C1QTNF6: variants seen among roughly 807,000 people sequenced by gnomAD.
C1QTNF6 encodes the protein complement C1q tumor necrosis factor-related protein 6.
In C1QTNF6, 17 loss-of-function variants were observed where a neutral mutation model predicts 20.7. That is an observed-to-expected ratio of 0.82 (90% CI 0.56 to 1.23). The LOEUF is 1.23. Ranked by LOEUF, C1QTNF6 falls within the 50% of genes most tolerant of loss-of-function variation. C1QTNF6 has a pLI of 0.00. For missense variants in C1QTNF6, 329 were observed against 389.7 expected, an observed-to-expected ratio of 0.84 and a Z score of 1.31; for synonymous variants, 130 against 156.3, an observed-to-expected ratio of 0.83 and a Z score of 1.25.
Position 37,182,605 on chromosome 22 carries a change from C to CTGGCACGG in C1QTNF6, c.412_419dup (p.Gln140HisfsTer34). 6.2e-7 allele frequency: 1 copy of CTGGCACGG among 1,613,878 alleles called. No individual in the cohort carries two copies. The highest frequency in any genetic ancestry group is 8.5e-7 in the Non-Finnish European group (1 of 1,180,038). ...CCACTGAGAAGGCGAAGAAGCGCTT[C>CTGGCACGG]TGGCACGGGGCGCCGGGGCTGCCCA... On this transcript the variant is annotated frameshift_variant, in exon 3 of 3. Coordinates refer to ENST00000337843, the MANE Select transcript of C1QTNF6 (RefSeq NM_031910.4). LOFTEE classifies it high-confidence loss of function.
At chr22:37,196,811 C>G (rs1433190745) in intron 1 of C1QTNF6, 4 of 152,266 alleles carry the variant, frequency 2.6e-5, no homozygotes, top group Non-Finnish European at 5.9e-5. Flanking sequence ...ATCCCATTCC[C>G]CCACTCACAG....
At chr22:37,186,707 C>T (rs957469839) in intron 1 of C1QTNF6, among the ~76,000 whole-genome samples, 3 of 152,094 alleles carry the variant, frequency 2.0e-5, no homozygotes, top group African/African-American at 7.2e-5. Flanking sequence ...GGGCTGGTGC[C>T]GAGTTATCAC....
chr22:37,183,971 C>T (rs1485634984), intron 2 of C1QTNF6, among the ~76,000 whole-genome samples: 2 of 152,146 alleles, frequency 1.3e-5, no homozygotes, highest in African/African-American at 4.8e-5. Context: ...AAAGCCAGCC[C>T]GAGGTCCCTC....
chr22:37,194,083 G>A (rs149775152), intron 2 of C1QTNF6, among the ~76,000 whole-genome samples: 66 of 152,300 alleles, frequency 4.3e-4, no homozygotes, highest in Admixed American at 6.5e-4. Context: ...CTGGATGGTG[G>A]AGACTAAGAG....
chr22:37,195,960 G>GT (rs1473532430), intron 1 of C1QTNF6: 1 of 152,154 alleles, frequency 6.6e-6, no homozygotes, highest in African/African-American at 2.4e-5. Flanking sequence ...TTTATGACCT[G>GT]TATCTTATGA....
At chr22:37,189,363 A>G (rs1016920785), upstream of C1QTNF6, among the ~76,000 whole-genome samples, 7 of 152,096 alleles carry the variant, frequency 4.6e-5, no homozygotes, top group Non-Finnish European at 1.0e-4. Flanking sequence ...CCAACTTCCT[A>G]TCCCTTCCTG....
chr22:37,185,698 C>T, intron 1 of C1QTNF6: 1 of 1,206,556 alleles, frequency 8.3e-7, no homozygotes, highest in Non-Finnish European at 1.0e-6. Context: ...GCACCCAGTC[C>T]ATGGAGGCTT....
intron 1 of C1QTNF6, 38 bp downstream of exon 1, chr22:37,188,125 C>A: frequency 6.3e-7 from 1 of 1,587,996 alleles, no homozygotes; most frequent in Non-Finnish European, 8.6e-7. Context: ...CAGGCTCTGA[C>A]CCCAGCCCCC....
chr22:37,183,279 C>T (rs1601626305), intron 2 of C1QTNF6, among the ~76,000 whole-genome samples: 2 of 152,216 alleles, frequency 1.3e-5, no homozygotes, highest in East Asian at 1.9e-4. Flanking sequence ...GCTGGGGTCT[C>T]GGTTTTCTGG....
Position 37,182,404 on chromosome 22 carries a change from C to T in C1QTNF6, c.621G>A (p.Val207=), listed in dbSNP as rs1227403177. Reference sequence around the variant, plus strand: ...CCTCTTTCTGGTTATGCATAATGTGCACGTACGTCTCCTTGTAATTCCAGC... The same window carrying T: ...CCTCTTTCTGGTTATGCATAATGTGTACGTACGTCTCCTTGTAATTCCAGC... The part of the protein sequence containing the change: ...VHSWNYKETY[V]HIMHNQKEAV... Residue 207 remains valine, a synonymous_variant, in exon 3 of 3, where the codon GTG becomes GTA. Coordinates refer to ENST00000337843, the MANE Select transcript of C1QTNF6 (RefSeq NM_031910.4). 3.1e-6 allele frequency: 5 copies of T among 1,614,250 alleles called. No individual in the cohort carries two copies. The highest frequency in any genetic ancestry group is 3.4e-6 in the Non-Finnish European group (4 of 1,180,032).
At chr22:37,197,936 G>A (rs1236394154), upstream of C1QTNF6, 1 of 152,314 alleles carries the variant, frequency 6.6e-6, no homozygotes, top group Non-Finnish European at 1.5e-5. Context: ...TTACCTCTCT[G>A]AGCCTTGGTG....
In C1QTNF6 at chr22:37,188,234, A is replaced by C. The variant is rs567158819; in HGVS notation, c.-21T>G. 6 of 1,566,288 alleles carry C rather than the reference A, an allele frequency of 3.8e-6. No homozygotes were observed. In the African/African-American group the frequency reaches 8.2e-5, roughly 21 times the overall value. ...TGCATGGCCTCTGGCTCCTTGGCCC[A>C]TGTCTGCAATACTAACTTGTTGCTG... On this transcript the variant is annotated 5_prime_UTR_variant, in exon 1 of 3. It removes an upstream start codon present in the reference 5' UTR. Transcript: ENST00000337843.
At chr22:37,192,779 C>T (rs1329543076), upstream of C1QTNF6, among the ~76,000 whole-genome samples, 1 of 152,298 alleles carries the variant, frequency 6.6e-6, no homozygotes, top group East Asian at 1.9e-4. Flanking sequence ...ACACACACAA[C>T]ATATATAAAT....
At chr22:37,185,594 T>C in intron 1 of C1QTNF6, 139 bp from the exon 2 acceptor site, 3 of 1,373,104 alleles carry the variant, frequency 2.2e-6, no homozygotes, top group Non-Finnish European at 2.8e-6. Flanking sequence ...TGTCCCCATC[T>C]ATCAGACAAG....
Position 37,181,890 on chromosome 22 carries a change from C to G in C1QTNF6, c.*298G>C, listed in dbSNP as rs1923795276. ...CTGCTGAGTCAGAATCTGCATTTAACACGAACCCCGGGTGATTCGCATGCA... is the reference window on the plus strand; with the variant it reads ...CTGCTGAGTCAGAATCTGCATTTAAGACGAACCCCGGGTGATTCGCATGCA... On this transcript the variant is annotated 3_prime_UTR_variant, in exon 3 of 3. Coordinates refer to ENST00000337843, the MANE Select transcript of C1QTNF6 (RefSeq NM_031910.4). The G allele has an allele frequency of 2.4e-6, 1 of 418,322 alleles. No individual in the cohort carries two copies. The highest frequency in any genetic ancestry group is 4.3e-6 in the Non-Finnish European group (1 of 230,826). The allele number at this position is 418,322 out of a possible 1,614,324, so 25.9% of individuals were successfully genotyped here. A position where few individuals can be genotyped will look rare whatever the true frequency, so the allele number is the denominator to read the frequency against.
At chr22:37,191,012 TG>T (rs1924786860), upstream of C1QTNF6, 1 of 152,224 alleles carries the variant, frequency 6.6e-6, no homozygotes, top group African/African-American at 2.4e-5. Context: ...GTTCAGTCTA[TG>T]CAATTAATTC....
intron 2 of C1QTNF6, among the ~76,000 whole-genome samples, chr22:37,183,655 G>A (rs1188795823): frequency 6.6e-6 from 1 of 152,242 alleles, no homozygotes; most frequent in East Asian, 1.9e-4. Context: ...GGGGGAAGGG[G>A]ACAGAAAGGA....
rs760313360 is a variant in C1QTNF6 at position 37,182,391 on chromosome 22, T to C, written c.634A>G (p.Asn212Asp). The C allele has an allele frequency of 3.1e-6, 5 of 1,614,246 alleles. No individual in the cohort carries two copies. The highest frequency in any genetic ancestry group is 8.5e-7 in the Non-Finnish European group (1 of 1,180,032). ...YKETYVHIMH[N>D]QKEAVILYAQ... is the part of the protein sequence containing the mutation. ...TACAGGATGACAGCCTCTTTCTGGT[T>C]ATGCATAATGTGCACGTACGTCTCC... is the stretch of plus-strand genomic sequence containing the variant. The change falls in exon 3 of 3, where the codon AAC becomes GAC. Residue 212 changes from asparagine (N) to aspartate (D), a missense_variant. By Grantham distance (23) the Asn-to-Asp change is conservative. Coordinates refer to ENST00000337843, the MANE Select transcript of C1QTNF6 (RefSeq NM_031910.4).
chr22:37,184,447 G>C lies in C1QTNF6; in HGVS notation c.289+771C>G, dbSNP rs1924091352. The C allele has an allele frequency of 1.4e-6, 1 of 716,806 alleles. No individual in the cohort carries two copies. Among genetic ancestry groups the C allele is most frequent in the Non-Finnish European group, 2.6e-6 (1 of 384,946 alleles). 44.4% of individuals were successfully genotyped at this position (716,806 alleles called of 1,614,324 possible). On this transcript the variant is annotated intron_variant, in intron 2 of 2. Transcript: ENST00000337843. The surrounding 1 kb of genome is among the most constrained non-coding windows in gnomAD (Gnocchi z 4.0). ...CGAGTCCTTCCACGTCCTATTGAGA[G>C]AGCGGGTAGCCAGCCCGCACCTGGA...
Sources: allele counts gnomAD v4.1 joint callset (sites outside exome capture counted in the v4.1 genomes callset), GRCh38; gene constraint gnomAD v4.1.1; non-coding constraint Gnocchi (gnomAD v3.1); transcripts MANE v1.5; gene names NCBI Gene and HGNC (gene_info 2026-07-23, HGNC 2026-07-21).